The following NPAS3 variants were observed in gnomAD, a reference collection of about 807,000 sequenced individuals.
NPAS3 encodes neuronal PAS domain-containing protein 3.
NPAS3 carries 14 observed loss-of-function variants against 73.1 expected under a neutral mutation model. The observed-to-expected ratio is 0.19, with a 90% CI of 0.13 to 0.30. NPAS3 has a LOEUF of 0.30. NPAS3 is among the 10% of genes least tolerant of loss of function. The probability of loss-of-function intolerance (pLI) is 1.00; values close to 1 mark genes in which losing one functional copy is unlikely to be tolerated. For synonymous variants in NPAS3, 620 were observed against 541.5 expected, an observed-to-expected ratio of 1.14 and a Z score of -2.01; for missense variants, 1,096 against 1,250.0, an observed-to-expected ratio of 0.88 and a Z score of 1.86.
At chr14:33,590,179 G>A (rs2057013002) in intron 5 of NPAS3, among the ~76,000 whole-genome samples, 1 of 152,104 alleles carries the variant, frequency 6.6e-6, no homozygotes, top group African/African-American at 2.4e-5. Flanking sequence ...TGTAAAAAAA[G>A]GCAGAAAAAG....
At chr14:33,156,157 C>A (rs2044639385) in intron 2 of NPAS3, among the ~76,000 whole-genome samples, 1 of 152,114 alleles carries the variant, frequency 6.6e-6, no homozygotes, top group African/African-American at 2.4e-5. Context: ...TTATAGATTT[C>A]ATGGTAGTTA....
chr14:33,304,100 G>C (rs1219179504), intron 3 of NPAS3, among the ~76,000 whole-genome samples: 1 of 152,002 alleles, frequency 6.6e-6, no homozygotes, highest in Non-Finnish European at 1.5e-5. Context: ...GTAAAGACGG[G>C]GTTCACTACC....
intron 5 of NPAS3, among the ~76,000 whole-genome samples, chr14:33,597,741 C>T (rs2057287168): frequency 6.6e-6 from 1 of 152,294 alleles, no homozygotes; most frequent in Non-Finnish European, 1.5e-5. Context: ...CCGGCACTGG[C>T]CTGTCCACCT....
intron 5 of NPAS3, among the ~76,000 whole-genome samples, chr14:33,629,576 T>G (rs2058322653): frequency 7.5e-6 from 1 of 133,716 alleles, no homozygotes; most frequent in East Asian, 2.6e-4. Context: ...TTGTTTTTGT[T>G]TTTTTTTTTA....
intron 3 of NPAS3, among the ~76,000 whole-genome samples, chr14:33,293,485 G>A (rs1470526348): frequency 6.6e-6 from 1 of 152,150 alleles, no homozygotes; most frequent in Non-Finnish European, 1.5e-5. Context: ...GTGATTTAAT[G>A]AGCATAATTG....
At chr14:32,992,726 A>AT (rs1207226823) in intron 1 of NPAS3, among the ~76,000 whole-genome samples, 1 of 152,230 alleles carries the variant, frequency 6.6e-6, no homozygotes, top group African/African-American at 2.4e-5. Context: ...GGAAACATAC[A>AT]TAAACTCATG....
intron 4 of NPAS3, among the ~76,000 whole-genome samples, chr14:33,449,121 G>GT (rs896617694): frequency 6.6e-6 from 1 of 152,170 alleles, no homozygotes; most frequent in Non-Finnish European, 1.5e-5. Context: ...ATTGTCTGCT[G>GT]TATGTCCACC....
At chr14:33,247,602 C>T (rs887354516) in intron 3 of NPAS3, among the ~76,000 whole-genome samples, 5 of 152,104 alleles carry the variant, frequency 3.3e-5, no homozygotes, top group African/African-American at 1.2e-4. Context: ...TGGTAAAATT[C>T]ACTACAAGTT....
At chr14:33,459,279 G>T (rs1413766663) in intron 4 of NPAS3, among the ~76,000 whole-genome samples, 1 of 152,202 alleles carries the variant, frequency 6.6e-6, no homozygotes, top group Admixed American at 6.5e-5. Flanking sequence ...ATGCAGCTCA[G>T]TAGATCTCAG....
chr14:33,048,328 C>T (rs1209741793), intron 1 of NPAS3, among the ~76,000 whole-genome samples: 1 of 152,174 alleles, frequency 6.6e-6, no homozygotes, highest in Non-Finnish European at 1.5e-5. Flanking sequence ...CTGAAAATGG[C>T]CTCCTAGAGG....
At chr14:33,669,508 G>A (rs559535512) in intron 5 of NPAS3, among the ~76,000 whole-genome samples, 19 of 152,180 alleles carry the variant, frequency 1.2e-4, no homozygotes, top group Non-Finnish European at 2.5e-4. Context: ...CATGAATACT[G>A]TTCTAAAACC....
At chr14:32,959,865 AAG>A (rs1244326369) in intron 1 of NPAS3, among the ~76,000 whole-genome samples, 1 of 152,216 alleles carries the variant, frequency 6.6e-6, no homozygotes, top group Non-Finnish European at 1.5e-5. Context: ...TATACCCACA[AAG>A]AGGGGATATG....
At chr14:33,234,846 C>T (rs1044620084) in intron 3 of NPAS3, among the ~76,000 whole-genome samples, 3 of 151,996 alleles carry the variant, frequency 2.0e-5, no homozygotes, top group Admixed American at 6.6e-5. Flanking sequence ...TTTGATTGCT[C>T]GTGTTGCAAC....
At chr14:33,091,793 C>T (rs2042233507) in intron 2 of NPAS3, among the ~76,000 whole-genome samples, 1 of 152,078 alleles carries the variant, frequency 6.6e-6, no homozygotes, top group East Asian at 1.9e-4. Flanking sequence ...GGGCTTCATC[C>T]GTGGGATTCA....
intron 3 of NPAS3, among the ~76,000 whole-genome samples, chr14:33,268,148 G>T (rs537621321): frequency 6.6e-6 from 1 of 152,156 alleles, no homozygotes; most frequent in African/African-American, 2.4e-5. Flanking sequence ...CAGTGACCTT[G>T]TCATTAAAGC....
At chr14:33,016,779 T>C (rs1404347056) in intron 1 of NPAS3, among the ~76,000 whole-genome samples, 3 of 152,102 alleles carry the variant, frequency 2.0e-5, no homozygotes, top group African/African-American at 7.2e-5. Context: ...CCCACCTCCT[T>C]CCTAATTTTT....
intron 4 of NPAS3, among the ~76,000 whole-genome samples, chr14:33,507,653 C>A (rs1298475223): frequency 6.6e-6 from 1 of 151,974 alleles, no homozygotes; most frequent in Non-Finnish European, 1.5e-5. Context: ...CTGAAATGTG[C>A]CCTGACCATG....
intron 6 of NPAS3, among the ~76,000 whole-genome samples, chr14:33,714,024 A>C (rs1256618644): frequency 6.6e-6 from 1 of 152,056 alleles, no homozygotes; most frequent in Admixed American, 6.6e-5. Flanking sequence ...TCCTTCCTTC[A>C]AGTCTGTAAT....
At chr14:33,041,013 G>A (rs143803886) in intron 1 of NPAS3, among the ~76,000 whole-genome samples, 4 of 152,116 alleles carry the variant, frequency 2.6e-5, no homozygotes, top group East Asian at 1.9e-4. Context: ...ACTGTACTAC[G>A]TGGCAGAACT....
Sources: gnomAD v4.1 joint callset for allele counts (sites outside exome capture counted in the v4.1 genomes callset) on GRCh38, gnomAD v4.1.1 for gene constraint, MANE v1.5 for transcripts, NCBI Gene and HGNC (gene_info 2026-07-23, HGNC 2026-07-21) for gene names.